Variants in ARPP19 observed in about 807,000 individuals in gnomAD.
ARPP19 encodes the protein cAMP regulated phosphoprotein 19.
A neutral mutation model predicts 12.0 loss-of-function variants in ARPP19; 8 were observed. The ratio of observed to expected loss-of-function variants is 0.67; its 90% CI spans 0.39 to 1.21. The LOEUF is 1.21. Among genes scored for constraint, ARPP19 ranks in the 50% most tolerant of loss-of-function variants. The probability of loss-of-function intolerance (pLI) is 0.01; values close to 1 mark genes in which losing one functional copy is unlikely to be tolerated. For synonymous variants in ARPP19, 47 were observed against 50.4 expected, an observed-to-expected ratio of 0.93 and a Z score of 0.29; for missense variants, 102 against 136.3, an observed-to-expected ratio of 0.75 and a Z score of 1.25.
At chr15:52,566,776 T>C (rs2140255749) in intron 1 of ARPP19, among the ~76,000 whole-genome samples, 1 of 151,668 alleles carries the variant, frequency 6.6e-6, no homozygotes, top group East Asian at 1.9e-4. Flanking sequence ...GAGATAAGAG[T>C]TTATACTTAT....
Position 52,550,194 on chromosome 15 carries a change from A to T in ARPP19, c.*1740T>A, listed in dbSNP as rs1245689354. ...TGCTACAGCATTACAACTACTTGTG[A>T]GAGGAGCTCCTACAAGAGCAGTAAA... On this transcript the variant is annotated 3_prime_UTR_variant, in exon 3 of 3. Transcript: ENST00000249822. 1 of 152,256 alleles carries T rather than the reference A, an allele frequency of 6.6e-6. No homozygotes were observed. Among genetic ancestry groups the T allele is most frequent in the African/African-American group, 2.4e-5 (1 of 41,464 alleles). 9.4% of individuals were successfully genotyped at this position (152,256 alleles called of 1,614,324 possible).
At chr15:52,563,789 T>C (rs1033268547) in intron 1 of ARPP19, among the ~76,000 whole-genome samples, 3 of 152,212 alleles carry the variant, frequency 2.0e-5, no homozygotes, top group Non-Finnish European at 2.9e-5. Context: ...GACGAATAAC[T>C]AGAAAGGATT....
chr15:52,564,175 T>C (rs1378922095), intron 1 of ARPP19: 4 of 1,522,144 alleles, frequency 2.6e-6, no homozygotes, highest in Non-Finnish European at 3.5e-6. Flanking sequence ...ATTTAAAAAC[T>C]TTTCTGAGGT....
In ARPP19 at chr15:52,548,834, A is replaced by G. The variant is rs2077902874; in HGVS notation, c.*3100T>C. The stretch of plus-strand genomic sequence containing the variant: ...GATTTAGTAAAAAGTATCCATAAAT[A>G]TTCAGAGGTATAGTTTTGTTTCATC... On this transcript the variant is annotated 3_prime_UTR_variant, in exon 3 of 3. Coordinates refer to ENST00000249822, the MANE Select transcript of ARPP19 (RefSeq NM_006628.6). The G allele has an allele frequency of 6.6e-6, 1 of 152,644 alleles. No homozygotes were observed. The highest frequency in any genetic ancestry group is 1.5e-5 in the Non-Finnish European group (1 of 68,032). 9.5% of individuals were successfully genotyped at this position (152,644 alleles called of 1,614,324 possible).
Position 52,549,215 on chromosome 15 carries a change from C to A in ARPP19, c.*2719G>T, listed in dbSNP as rs1408496337. ...ATTCCAACATTAATTTATGATAGGA[C>A]AGTTATTAAAATTAACCATTTCTGA... is the stretch of plus-strand genomic sequence containing the variant. On this transcript the variant is annotated 3_prime_UTR_variant, in exon 3 of 3. Coordinates refer to ENST00000249822, the MANE Select transcript of ARPP19 (RefSeq NM_006628.6). 1 of 152,162 alleles carries A rather than the reference C, an allele frequency of 6.6e-6. No homozygotes were observed. The highest frequency in any genetic ancestry group is 1.5e-5 in the Non-Finnish European group (1 of 68,028). The allele number at this position is 152,162 out of a possible 1,614,324, so 9.4% of individuals were successfully genotyped here.
Position 52,551,977 on chromosome 15 carries a change from G to A in ARPP19, c.296C>T (p.Pro99Leu), listed in dbSNP as rs1347787342. 6.2e-7 allele frequency: 1 copy of A among 1,613,598 alleles called. No homozygotes were observed. The highest frequency in any genetic ancestry group is 8.5e-7 in the Non-Finnish European group (1 of 1,179,586). Residue 99 changes from proline to leucine, a missense_variant, in exon 3 of 3, where the codon CCT becomes CTT. Physicochemically the swap from Pro to Leu is moderately conservative, Grantham distance 98. Coordinates refer to ENST00000249822, the MANE Select transcript of ARPP19 (RefSeq NM_006628.6). Reference sequence around the variant, plus strand: ...AGCAACAAGGGACGGCTTCCGTTGAGGAAGGTCTTGCGGAGTGGGAATGTG... The same window carrying A: ...AGCAACAAGGGACGGCTTCCGTTGAAGAAGGTCTTGCGGAGTGGGAATGTG... ...GDHIPTPQDL[P>L]QRKPSLVASK...
chr15:52,564,101 C>A, intron 1 of ARPP19: 1 of 916,962 alleles, frequency 1.1e-6, no homozygotes. Context: ...AAGTCTTGCA[C>A]AAACAAAAGA....
chr15:52,568,701 G>T lies in ARPP19; in HGVS notation c.45+147C>A, dbSNP rs140159221. On this transcript the variant is annotated intron_variant, in intron 1 of 2. Coordinates refer to ENST00000249822, the MANE Select transcript of ARPP19 (RefSeq NM_006628.6). ...ATTCGTCGGCGCACCAGCCAGCGAC[G>T]GCGGGAAGCCAAAGGTGGGGCGCAG... The T allele has an allele frequency of 2.2e-3, 1,147 of 513,274 alleles. 10 individuals are homozygous for T. In the East Asian group the frequency reaches 0.024, roughly 11 times the overall value. The allele number at this position is 513,274 out of a possible 1,614,324, so 31.8% of individuals were successfully genotyped here.
chr15:52,552,875 G>C (rs192650414), intron 2 of ARPP19, among the ~76,000 whole-genome samples: 102 of 152,240 alleles, frequency 6.7e-4, no homozygotes, highest in African/African-American at 2.4e-3. Flanking sequence ...TCAGGAGTTT[G>C]AAACCAGAAC....
chr15:52,551,680 G>A lies in ARPP19; in HGVS notation c.*254C>T. On this transcript the variant is annotated 3_prime_UTR_variant, in exon 3 of 3. Coordinates refer to ENST00000249822, the MANE Select transcript of ARPP19 (RefSeq NM_006628.6). ...ACTTGTTAGAACCAGTACTACACTA[G>A]AAGTTAGGTAATATATACAACTATT... 2 of 386,024 alleles carry A rather than the reference G, an allele frequency of 5.2e-6. No individual in the cohort carries two copies. Among genetic ancestry groups the A allele is most frequent in the Non-Finnish European group, 9.3e-6 (2 of 215,052 alleles). 23.9% of individuals were successfully genotyped at this position (386,024 alleles called of 1,614,324 possible).
At chr15:52,558,784 T>TAA (rs201468639) in intron 1 of ARPP19, among the ~76,000 whole-genome samples, 12 of 135,064 alleles carry the variant, frequency 8.9e-5, no homozygotes, top group African/African-American at 2.5e-4. Context: ...ATTCATACAT[T>TAA]AAAAAAAAAA....
chr15:52,553,982 G>A (rs2077959421), intron 2 of ARPP19, among the ~76,000 whole-genome samples: 1 of 152,214 alleles, frequency 6.6e-6, no homozygotes, highest in Non-Finnish European at 1.5e-5. Context: ...AAAGCTTTCT[G>A]CAGCTTCACT....
intron 1 of ARPP19, among the ~76,000 whole-genome samples, chr15:52,558,080 T>C (rs1220307733): frequency 1.3e-5 from 2 of 152,190 alleles, no homozygotes; most frequent in Non-Finnish European, 2.9e-5. Context: ...CTTGATTTAG[T>C]CTGCTTTCTT....
rs1293971556 is a variant in ARPP19 at position 52,547,708 on chromosome 15, A to G, written c.*4226T>C. On this transcript the variant is annotated 3_prime_UTR_variant, in exon 3 of 3. Coordinates refer to ENST00000249822, the MANE Select transcript of ARPP19 (RefSeq NM_006628.6). The stretch of plus-strand genomic sequence containing the variant: ...GTGGTGGGGAATTGAGAGGAGACAG[A>G]TATTGGGGAAGACTGGCAGTGTGTG... The G allele has an allele frequency of 6.6e-6, 1 of 152,268 alleles. No individual in the cohort carries two copies. Among genetic ancestry groups the G allele is most frequent in the Non-Finnish European group, 1.5e-5 (1 of 68,048 alleles). 9.4% of individuals were successfully genotyped at this position (152,268 alleles called of 1,614,324 possible). A position where few individuals can be genotyped will look rare whatever the true frequency, so the allele number is the denominator to read the frequency against.
At chr15:52,563,170 A>T (rs2078051065) in intron 1 of ARPP19, among the ~76,000 whole-genome samples, 1 of 152,152 alleles carries the variant, frequency 6.6e-6, no homozygotes, top group Non-Finnish European at 1.5e-5. Flanking sequence ...CACCGTGAAG[A>T]AGTATTTTTT....
chr15:52,568,728 A>G, intron 1 of ARPP19, 120 bp downstream of exon 1: 1 of 606,608 alleles, frequency 1.6e-6, no homozygotes, highest in Non-Finnish European at 2.7e-6. Flanking sequence ...GGGGCGCAGG[A>G]GCCTCGGCCT....
At position 52,568,919 on chromosome 15, in the gene ARPP19, G is replaced by A. The variant is rs2078114422; in HGVS notation, c.-27C>T. 2 of 1,553,384 alleles carry A rather than the reference G, an allele frequency of 1.3e-6. No homozygotes were observed. Among genetic ancestry groups the A allele is most frequent in the East Asian group, 2.6e-5 (1 of 39,104 alleles). ...GTGCTCCCTCTGCAGACGAGACGCC[G>A]GGAAAAGATGCAATTAGCGGGTGGC... On this transcript the variant is annotated 5_prime_UTR_variant, in exon 1 of 3. Transcript: ENST00000249822.
At chr15:52,556,745 T>C (rs1273044762) in intron 2 of ARPP19, among the ~76,000 whole-genome samples, 23 of 152,084 alleles carry the variant, frequency 1.5e-4, no homozygotes, top group Admixed American at 1.5e-3. Flanking sequence ...TATTTACATA[T>C]AGGGTGGGTT....
upstream of ARPP19, chr15:52,569,101 C>T (rs1460174121): frequency 9.0e-6 from 5 of 553,820 alleles, no homozygotes; most frequent in African/African-American, 2.0e-5. Flanking sequence ...CCTCCCGCAC[C>T]GCACCCCTAC....
Sources: gnomAD v4.1 joint callset for allele counts (sites outside exome capture counted in the v4.1 genomes callset) on GRCh38, gnomAD v4.1.1 for gene constraint, MANE v1.5 for transcripts, NCBI Gene and HGNC (gene_info 2026-07-23, HGNC 2026-07-21) for gene names.